ABHD5: variants seen among roughly 807,000 people sequenced by gnomAD.
The protein encoded by ABHD5 is abhydrolase domain containing 5, lysophosphatidic acid acyltransferase.
Under a neutral mutation model 44.9 loss-of-function variants are expected in ABHD5, and 30 were observed. The observed-to-expected ratio is 0.67, with a 90% CI of 0.50 to 0.91. ABHD5 has a LOEUF of 0.91. Among genes scored for constraint, ABHD5 ranks in the 40% least tolerant of loss-of-function variants. ABHD5 has a pLI of 0.00. For missense variants in ABHD5, 399 were observed against 423.4 expected (o/e 0.94, Z 0.50); for synonymous variants, 167 against 147.0 (o/e 1.14, Z -0.99).
chr3:43,702,585 A>C lies in ABHD5; in HGVS notation c.504A>C (p.Ser168=). Residue 168 remains serine, a splice_region_variant and synonymous_variant, in exon 3 of 7, where the codon TCA becomes TCC. Coordinates refer to ENST00000644371, the MANE Select transcript of ABHD5 (RefSeq NM_016006.6). The stretch of plus-strand genomic sequence containing the variant: ...CTGCTTACTCGCTGAAGTACCCATC[A>C]AGGTAAGTGGTGGTGACAGAAGAGA... The part of the protein sequence containing the change: ...LAAAYSLKYP[S]RVNHLILVEP... 1 of 1,614,198 alleles carries C rather than the reference A, an allele frequency of 6.2e-7. No homozygotes were observed. The highest frequency in any genetic ancestry group is 8.5e-7 in the Non-Finnish European group (1 of 1,180,024).
rs1032306562 is a variant in ABHD5, at chr3:43,720,959, C to A, written c.*2427C>A. The A allele has an allele frequency of 1.1e-4, 17 of 149,508 alleles. No homozygotes were observed. The East Asian group carries it at 3.1e-3, about 27-fold the overall frequency. 9.3% of individuals were successfully genotyped at this position (149,508 alleles called of 1,614,324 possible). Reference sequence around the variant, plus strand: ...AAGGTTGGTTTTAGAATATGATTTGCAGAACACTTTTGAAATGTCTTCATT... The same window carrying A: ...AAGGTTGGTTTTAGAATATGATTTGAAGAACACTTTTGAAATGTCTTCATT... On this transcript the variant is annotated 3_prime_UTR_variant, in exon 7 of 7. Coordinates refer to ENST00000644371, the MANE Select transcript of ABHD5 (RefSeq NM_016006.6).
At chr3:43,732,932 C>G (rs1697261494) in intron 7 of ABHD5, among the ~76,000 whole-genome samples, 1 of 152,162 alleles carries the variant, frequency 6.6e-6, no homozygotes, top group South Asian at 2.1e-4. Context: ...GGATTGAGGG[C>G]CGTAGTTGGT....
At chr3:43,729,268 G>A (rs1308724974) in intron 7 of ABHD5, among the ~76,000 whole-genome samples, 1 of 152,194 alleles carries the variant, frequency 6.6e-6, no homozygotes, top group Non-Finnish European at 1.5e-5. Context: ...TGGATGATTG[G>A]AGGACAACAT....
At chr3:43,731,100 T>G (rs1484014590) in intron 7 of ABHD5, among the ~76,000 whole-genome samples, 1 of 152,176 alleles carries the variant, frequency 6.6e-6, no homozygotes, top group Non-Finnish European at 1.5e-5. Context: ...AGTGCTGGGA[T>G]TACAGGCGTG....
Position 43,711,105 on chromosome 3 carries a change from C to T in ABHD5, c.507-604C>T, listed in dbSNP as rs139855175. 1.8e-3 allele frequency among the ~76,000 whole-genome samples: 276 copies of T among 152,300 alleles called. 1 individual carries two copies. Among genetic ancestry groups the T allele is most frequent in the African/African-American group, 6.2e-3 (257 of 41,564 alleles). On this transcript the variant is annotated intron_variant, in intron 3 of 6. Coordinates refer to ENST00000644371, the MANE Select transcript of ABHD5 (RefSeq NM_016006.6). ...ATGGATAAGGTAGATAGACTTGTTC[C>T]TTTTCAACAATTCTAGAATCCTGAA...
At position 43,722,587 on chromosome 3, in the gene ABHD5, C is replaced by T. The variant is rs2084849869; in HGVS notation, c.*4055C>T. On this transcript the variant is annotated 3_prime_UTR_variant, in exon 7 of 7. Coordinates refer to ENST00000644371, the MANE Select transcript of ABHD5 (RefSeq NM_016006.6). Reference sequence around the variant, plus strand: ...AGGCAACTCTTAAAACTAAAACAAACTTAACAGTCTGTCAAGTTGGTGATA... The same window carrying T: ...AGGCAACTCTTAAAACTAAAACAAATTTAACAGTCTGTCAAGTTGGTGATA... 1 of 152,140 alleles carries T rather than the reference C, an allele frequency of 6.6e-6. No homozygotes were observed. Among genetic ancestry groups the T allele is most frequent in the Non-Finnish European group, 1.5e-5 (1 of 68,012 alleles). The allele number at this position is 152,140 out of a possible 1,614,324, so 9.4% of individuals were successfully genotyped here. A position where few individuals can be genotyped will look rare whatever the true frequency, so the allele number is the denominator to read the frequency against.
In ABHD5 at chr3:43,721,199, G is replaced by C. The variant is rs1458970160; in HGVS notation, c.*2667G>C. On this transcript the variant is annotated 3_prime_UTR_variant, in exon 7 of 7. Coordinates refer to ENST00000644371, the MANE Select transcript of ABHD5 (RefSeq NM_016006.6). The stretch of plus-strand genomic sequence containing the variant: ...TAAAGCATCTCATTCAGAGAAAAAG[G>C]CTTTAAAAATGGTGTTGAGAGAAGT... The C allele has an allele frequency of 6.6e-6, 1 of 152,012 alleles. No individual in the cohort carries two copies. The highest frequency in any genetic ancestry group is 2.4e-5 in the African/African-American group (1 of 41,378). 9.4% of individuals were successfully genotyped at this position (152,012 alleles called of 1,614,324 possible).
chr3:43,729,892 A>G (rs760206363), intron 7 of ABHD5, among the ~76,000 whole-genome samples: 18 of 152,176 alleles, frequency 1.2e-4, no homozygotes, highest in Non-Finnish European at 2.1e-4. Context: ...GTTTCTGTCT[A>G]TGGTTCCTTT....
In ABHD5 at chr3:43,702,215, G is replaced by A; in HGVS notation, c.134G>A (p.Cys45Tyr). Residue 45 changes from cysteine to tyrosine, a missense_variant and splice_region_variant, in exon 3 of 7, where the codon TGT becomes TAT. Physicochemically the swap from Cys to Tyr is radical, Grantham distance 194 (BLOSUM62 -2). Transcript: ENST00000644371. Reference protein sequence around the residue: ...LKEAEEKMLKCVPCTYKKEPV... With the variant: ...LKEAEEKMLKYVPCTYKKEPV... ...AATTTCTCTTTTATGTTTTCATTAG[G>A]TGTGCCTTGCACATACAAAAAAGAA... 1.9e-6 allele frequency: 3 copies of A among 1,579,268 alleles called. No individual in the cohort carries two copies. The highest frequency in any genetic ancestry group is 2.6e-6 in the Non-Finnish European group (3 of 1,158,626).
chr3:43,697,342 A>C (rs2084486020), intron 1 of ABHD5, among the ~76,000 whole-genome samples: 1 of 151,878 alleles, frequency 6.6e-6, no homozygotes, highest in Non-Finnish European at 1.5e-5. Context: ...TTTCACTGTA[A>C]TTTTTTTTAA....
intron 5 of ABHD5, among the ~76,000 whole-genome samples, chr3:43,716,017 GGAGA>G (rs1426424223): frequency 6.6e-6 from 1 of 152,052 alleles, no homozygotes; most frequent in Non-Finnish European, 1.5e-5. Flanking sequence ...GTGATTAGAA[GGAGA>G]GAGAGAGAAT....
chr3:43,691,015 T>A lies in ABHD5; in HGVS notation c.23T>A (p.Val8Glu). The A allele has an allele frequency of 1.9e-6, 3 of 1,554,668 alleles. No individual in the cohort carries two copies. Among genetic ancestry groups the A allele is most frequent in the Middle Eastern group, 1.7e-4 (1 of 5,834 alleles). The change falls in exon 1 of 7, where the codon GTG (valine) becomes GAG (glutamate). Residue 8 changes from valine (V) to glutamate (E), a missense_variant. By Grantham distance (121) the Val-to-Glu change is moderately radical. Coordinates refer to ENST00000644371, the MANE Select transcript of ABHD5 (RefSeq NM_016006.6). Reference sequence around the variant, plus strand: ...GCTATGGCGGCGGAGGAGGAGGAGGTGGACTCTGCCGACACCGGAGAGAGG... The same window carrying A: ...GCTATGGCGGCGGAGGAGGAGGAGGAGGACTCTGCCGACACCGGAGAGAGG... MAAEEEE[V>E]DSADTGERSG...
At chr3:43,692,753 C>T (rs1433804567) in intron 1 of ABHD5, among the ~76,000 whole-genome samples, 1 of 152,088 alleles carries the variant, frequency 6.6e-6, no homozygotes, top group East Asian at 1.9e-4. Context: ...GGATTGGAAC[C>T]CTTTGTGGAA....
At chr3:43,733,104 C>T (rs570623516) in intron 7 of ABHD5, among the ~76,000 whole-genome samples, 5 of 152,326 alleles carry the variant, frequency 3.3e-5, no homozygotes, top group African/African-American at 9.6e-5. Context: ...TGACATCCCG[C>T]GGTCTTTGCT....
chr3:43,728,586 C>T (rs1410929694), intron 7 of ABHD5, among the ~76,000 whole-genome samples: 1 of 152,150 alleles, frequency 6.6e-6, no homozygotes, highest in African/African-American at 2.4e-5. Flanking sequence ...TTATTTACTA[C>T]CCAGAGACTG....
chr3:43,712,175 T>C (rs955841850), intron 4 of ABHD5, among the ~76,000 whole-genome samples: 6 of 152,092 alleles, frequency 3.9e-5, no homozygotes, highest in Admixed American at 2.0e-4. Flanking sequence ...TTGGGGAGTA[T>C]ATAAGGACCT....
At chr3:43,711,497 A>G (rs1484913099) in intron 3 of ABHD5, among the ~76,000 whole-genome samples, 1 of 152,246 alleles carries the variant, frequency 6.6e-6, no homozygotes, top group Non-Finnish European at 1.5e-5. Context: ...TTAAAAATAA[A>G]GCCCTCTTTC....
chr3:43,734,131 T>C (rs1697295865), exon 8 of ABHD5: 2 of 152,336 alleles, frequency 1.3e-5, no homozygotes, highest in Admixed American at 6.5e-5. Context: ...TACCCCCAAC[T>C]GTCAGGAAGA....
Position 43,709,210 on chromosome 3 carries a change from A to C in ABHD5, c.507-2499A>C, listed in dbSNP as rs1028670912. Among the ~76,000 whole-genome samples, 8 of 152,244 alleles carry C rather than the reference A, an allele frequency of 5.3e-5. No individual in the cohort carries two copies. The East Asian group carries it at 1.5e-3, about 29-fold the overall frequency. On this transcript the variant is annotated intron_variant, in intron 3 of 6. Coordinates refer to ENST00000644371, the MANE Select transcript of ABHD5 (RefSeq NM_016006.6). ...AAGCCTCATGCTAGGTTATGAAGAC[A>C]TAGAATTGAGCAATTGTAGGGACAG...
Sources: gnomAD v4.1 joint callset for allele counts (sites outside exome capture counted in the v4.1 genomes callset) on GRCh38, gnomAD v4.1.1 for gene constraint, MANE v1.5 for transcripts, NCBI Gene and HGNC (gene_info 2026-07-23, HGNC 2026-07-21) for gene names.